Variants in ADHFE1 observed in about 807,000 individuals in gnomAD.
ADHFE1 encodes the protein alcohol dehydrogenase iron containing 1.
ADHFE1 carries 37 observed loss-of-function variants against 54.8 expected under a neutral mutation model. That is an observed-to-expected ratio of 0.68 (90% CI 0.52 to 0.89). ADHFE1 has a LOEUF of 0.89. Among genes scored for constraint, ADHFE1 ranks in the 40% least tolerant of loss-of-function variants. The pLI is 0.00. For synonymous variants in ADHFE1, 203 were observed against 229.3 expected (o/e 0.89, Z 1.04); for missense variants, 601 against 591.2 (o/e 1.02, Z -0.17).
At chr8:66,438,655 GGA>G (rs1315293260) in intron 1 of ADHFE1, among the ~76,000 whole-genome samples, 3 of 152,116 alleles carry the variant, frequency 2.0e-5, no homozygotes, top group Non-Finnish European at 4.4e-5. Context: ...TAGGTCGGGA[GGA>G]GAGAGAGGGA....
chr8:66,433,625 G>T (rs1285978339), intron 1 of ADHFE1, among the ~76,000 whole-genome samples: 3 of 152,184 alleles, frequency 2.0e-5, no homozygotes, highest in African/African-American at 4.8e-5. Flanking sequence ...TGGCTTCACA[G>T]TCCTTGTTCT....
intron 10 of ADHFE1, among the ~76,000 whole-genome samples, chr8:66,456,070 T>C (rs1390368106): frequency 2.0e-5 from 3 of 152,152 alleles, no homozygotes; most frequent in Non-Finnish European, 4.4e-5. Context: ...GCCCAGGAAG[T>C]CGAGGCTGCA....
chr8:66,451,105 CTG>C (rs1806276212), intron 8 of ADHFE1, among the ~76,000 whole-genome samples: 1 of 152,224 alleles, frequency 6.6e-6, no homozygotes. Context: ...TCATGTTACA[CTG>C]TGTTTCCAGT....
At position 66,468,226 on chromosome 8, in the gene ADHFE1, C is replaced by T. The variant is rs191749431; in HGVS notation, c.1321-43C>T. ...ATAACTTTGTAGCTTTTACAAACTGCCTTTTCAAAGCCCTGGGTAACTTCT... is the reference window on the plus strand; with the variant it reads ...ATAACTTTGTAGCTTTTACAAACTGTCTTTTCAAAGCCCTGGGTAACTTCT... On this transcript the variant is annotated intron_variant, in intron 13 of 13. Transcript: ENST00000396623. 4 of 1,491,792 alleles carry T rather than the reference C, an allele frequency of 2.7e-6. No homozygotes were observed. In the East Asian group the frequency reaches 6.8e-5, roughly 25 times the overall value. 92.4% of individuals were successfully genotyped at this position (1,491,792 alleles called of 1,614,324 possible). A position where few individuals can be genotyped will look rare whatever the true frequency, so the allele number is the denominator to read the frequency against.
intron 13 of ADHFE1, among the ~76,000 whole-genome samples, chr8:66,465,181 G>A (rs1807103647): frequency 6.6e-6 from 1 of 152,138 alleles, no homozygotes; most frequent in Admixed American, 6.5e-5. Context: ...ATGAATATTG[G>A]TGTACAAGTA....
intron 13 of ADHFE1, among the ~76,000 whole-genome samples, chr8:66,461,641 G>A (rs191452619): frequency 3.3e-5 from 5 of 151,960 alleles, no homozygotes; most frequent in African/African-American, 7.2e-5. Flanking sequence ...CAGAAAGCAC[G>A]TGACCCATCT....
chr8:66,459,286 G>A (rs955143579), intron 12 of ADHFE1, among the ~76,000 whole-genome samples: 1 of 151,910 alleles, frequency 6.6e-6, no homozygotes, highest in Non-Finnish European at 1.5e-5. Context: ...GGGTGCTAAG[G>A]GTTGTGAAAT....
intron 8 of ADHFE1, among the ~76,000 whole-genome samples, chr8:66,449,371 T>A (rs756352136): frequency 6.6e-6 from 1 of 152,106 alleles, no homozygotes; most frequent in Non-Finnish European, 1.5e-5. Flanking sequence ...ATGGCCTCAC[T>A]AACTAGGCAA....
At position 66,444,841 on chromosome 8, in the gene ADHFE1, C is replaced by A. The variant is rs113707687; in HGVS notation, c.353+93C>A. On this transcript the variant is annotated intron_variant, in intron 5 of 13. Coordinates refer to ENST00000396623, the MANE Select transcript of ADHFE1 (RefSeq NM_144650.3). ...CCCAACCAGGCGTGGTGGCTCACGC[C>A]TGTAATCCCAGCACTTTGGGAGGCT... 1.1e-5 allele frequency: 16 copies of A among 1,479,672 alleles called. No individual in the cohort carries two copies. The African/African-American group carries it at 1.1e-4, about 10-fold the overall frequency. 91.7% of individuals were successfully genotyped at this position (1,479,672 alleles called of 1,614,324 possible).
Position 66,451,958 on chromosome 8 carries a change from C to T in ADHFE1, c.740C>T (p.Ala247Val), listed in dbSNP as rs750764692. 6.2e-7 allele frequency: 1 copy of T among 1,613,864 alleles called. No homozygotes were observed. The highest frequency in any genetic ancestry group is 8.5e-7 in the Non-Finnish European group (1 of 1,179,918). Residue 247 changes from alanine (A) to valine (V), a missense_variant, in exon 9 of 14, where the codon GCC (alanine) becomes GTC (valine). Ala to Val is a moderately conservative substitution (Grantham distance 64). Coordinates refer to ENST00000396623, the MANE Select transcript of ADHFE1 (RefSeq NM_144650.3). ...CTTTCAATATTTCTTTTTAGCCATG[C>T]CCTGGAGTCATACACCACCCTGCCC... ...ANSGFDVLCH[A>V]LESYTTLPYH...
At chr8:66,465,430 G>T (rs191502934) in intron 13 of ADHFE1, among the ~76,000 whole-genome samples, 2 of 152,086 alleles carry the variant, frequency 1.3e-5, no homozygotes, top group East Asian at 3.8e-4. Flanking sequence ...GTGTGAAGTG[G>T]TATCTTATTG....
chr8:66,434,651 A>G (rs138057591), intron 1 of ADHFE1, among the ~76,000 whole-genome samples: 12 of 152,324 alleles, frequency 7.9e-5, no homozygotes, highest in African/African-American at 2.2e-4. Flanking sequence ...GGCCATTTCT[A>G]TTGGACAGAG....
chr8:66,460,294 T>C lies in ADHFE1; in HGVS notation c.1163-14T>C. ...CTTCCTCTCTCCCTACAGTCAGCACTTTATGTCTTCTAGGAGCCGACACCC... is the reference window on the plus strand; with the variant it reads ...CTTCCTCTCTCCCTACAGTCAGCACCTTATGTCTTCTAGGAGCCGACACCC... On this transcript the variant is annotated splice_polypyrimidine_tract_variant and intron_variant, in intron 12 of 13. Coordinates refer to ENST00000396623, the MANE Select transcript of ADHFE1 (RefSeq NM_144650.3). 6.2e-7 allele frequency: 1 copy of C among 1,613,806 alleles called. No homozygotes were observed.
chr8:66,433,538 TA>T (rs1410388153), intron 1 of ADHFE1, among the ~76,000 whole-genome samples: 15 of 152,076 alleles, frequency 9.9e-5, no homozygotes, highest in Non-Finnish European at 2.1e-4. Context: ...GATACGGAAA[TA>T]AAGGCATGGA....
chr8:66,459,202 A>T, intron 12 of ADHFE1, among the ~76,000 whole-genome samples: 1 of 152,108 alleles, frequency 6.6e-6, no homozygotes, highest in East Asian at 1.9e-4. Context: ...CATAGACTTC[A>T]TATAATGCTA....
At chr8:66,467,632 A>C (rs1807266866) in intron 13 of ADHFE1, among the ~76,000 whole-genome samples, 2 of 152,170 alleles carry the variant, frequency 1.3e-5, no homozygotes, top group Non-Finnish European at 2.9e-5. Context: ...GTGCCAGGGG[A>C]GTCATCGCTG....
intron 10 of ADHFE1, among the ~76,000 whole-genome samples, chr8:66,455,043 A>G (rs1466804468): frequency 2.0e-5 from 3 of 152,164 alleles, no homozygotes; most frequent in Admixed American, 1.3e-4. Context: ...AGACTTCCCC[A>G]TTCTAGACAT....
rs1190279479 is a variant in ADHFE1 at position 66,452,052 on chromosome 8, C to T, written c.834C>T (p.Ile278=). The change falls in exon 9 of 14, where the codon ATC becomes ATT. Residue 278 remains isoleucine (I), a synonymous_variant. Transcript: ENST00000396623. ...CTGCGTACCAGGGCAGCAACCCAAT[C>T]AGTGACATTTGGGCTATCCACGCGC... ...TRPAYQGSNP[I]SDIWAIHALR... The T allele has an allele frequency of 3.1e-6, 5 of 1,614,124 alleles. No homozygotes were observed. The African/African-American group carries it at 6.7e-5, about 22-fold the overall frequency.
At chr8:66,467,787 C>G (rs1407986287) in intron 13 of ADHFE1, among the ~76,000 whole-genome samples, 1 of 152,260 alleles carries the variant, frequency 6.6e-6, no homozygotes, top group East Asian at 1.9e-4. Context: ...AGAGATAAAA[C>G]CTTAGTTAAT....
Sources: gnomAD v4.1 joint callset for allele counts (sites outside exome capture counted in the v4.1 genomes callset) on GRCh38, gnomAD v4.1.1 for gene constraint, MANE v1.5 for transcripts, NCBI Gene and HGNC (gene_info 2026-07-23, HGNC 2026-07-21) for gene names.